The following TTC23 variants were observed in gnomAD, a reference collection of about 807,000 sequenced individuals.
The protein encoded by TTC23 is tetratricopeptide repeat domain 23.
Under a neutral mutation model 55.1 loss-of-function variants are expected in TTC23, and 58 were observed. The observed-to-expected ratio is 1.05, with a 90% CI of 0.85 to 1.31. The LOEUF (loss-of-function observed/expected upper bound fraction) is 1.31. TTC23 is among the 50% of genes most tolerant of loss of function. The pLI is 0.00. For synonymous variants in TTC23, 203 were observed against 199.9 expected, an observed-to-expected ratio of 1.02 and a Z score of -0.13; for missense variants, 516 against 534.4, an observed-to-expected ratio of 0.97 and a Z score of 0.34.
chr15:99,212,855 C>T (rs911563840), intron 8 of TTC23, among the ~76,000 whole-genome samples: 3 of 151,862 alleles, frequency 2.0e-5, no homozygotes, highest in South Asian at 2.1e-4. Context: ...TGCAGTGGCA[C>T]GTGCCTGTAG....
In TTC23 at chr15:99,198,681, A is replaced by G. The variant is rs558358183; in HGVS notation, c.759+1238T>C. ...TAATTCTTGGCTTCCTTATCTACAAATGGGAAATAATCATGTGTCACAGGG... is the reference window on the plus strand; with the variant it reads ...TAATTCTTGGCTTCCTTATCTACAAGTGGGAAATAATCATGTGTCACAGGG... On this transcript the variant is annotated intron_variant, in intron 9 of 13. Coordinates refer to ENST00000394132, the MANE Select transcript of TTC23 (RefSeq NM_001288615.3). Among the ~76,000 whole-genome samples, 4 of 152,208 alleles carry G rather than the reference A, an allele frequency of 2.6e-5. No homozygotes were observed. In the East Asian group the frequency reaches 7.7e-4, roughly 29 times the overall value.
At chr15:99,164,188 G>C (rs1014855870) in intron 10 of TTC23, among the ~76,000 whole-genome samples, 1 of 152,228 alleles carries the variant, frequency 6.6e-6, no homozygotes, top group Non-Finnish European at 1.5e-5. Flanking sequence ...AACTTATTCT[G>C]TAAAGGACAG....
chr15:99,165,110 G>A (rs565553717), intron 10 of TTC23, among the ~76,000 whole-genome samples: 1 of 152,330 alleles, frequency 6.6e-6, no homozygotes, highest in South Asian at 2.1e-4. Context: ...TTTAATTTTA[G>A]GGACAGTTTT....
intron 8 of TTC23, among the ~76,000 whole-genome samples, chr15:99,209,392 G>A (rs959510634): frequency 1.3e-5 from 2 of 152,214 alleles, no homozygotes; most frequent in Non-Finnish European, 1.5e-5. Context: ...TTTATCACCT[G>A]ATACATACAG....
upstream of TTC23, chr15:99,249,817 C>T (rs1421189363): frequency 6.6e-6 from 1 of 152,026 alleles, no homozygotes; most frequent in Non-Finnish European, 1.5e-5. Flanking sequence ...AGAGACAAAA[C>T]GTGCGAATTG....
At chr15:99,164,813 A>AG (rs772685437) in intron 10 of TTC23, among the ~76,000 whole-genome samples, 155 of 152,270 alleles carry the variant, frequency 1.0e-3, no homozygotes, top group Non-Finnish European at 1.7e-3. Flanking sequence ...ACAGCTCTCT[A>AG]GAACACACGA....
In TTC23 at chr15:99,224,306, G is replaced by A. The variant is rs115261307; in HGVS notation, c.181-2442C>T. Among the ~76,000 whole-genome samples the A allele has an allele frequency of 2.4e-3, 359 of 152,216 alleles. 1 individual carries two copies. Among genetic ancestry groups the A allele is most frequent in the African/African-American group, 8.1e-3 (337 of 41,542 alleles). The stretch of plus-strand genomic sequence containing the variant: ...ACTAAAAATCACCTGTAAGTTTACC[G>A]CCTAGAGATATCTAGGTAGATAAAT... On this transcript the variant is annotated intron_variant, in intron 5 of 13. Transcript: ENST00000394132.
chr15:99,180,598 G>A (rs551443706), intron 9 of TTC23, among the ~76,000 whole-genome samples: 1 of 152,298 alleles, frequency 6.6e-6, no homozygotes, highest in East Asian at 1.9e-4. Context: ...AAGGATGAGA[G>A]ACACTTCTAT....
At chr15:99,231,703 A>G (rs984416927) in intron 4 of TTC23, among the ~76,000 whole-genome samples, 8 of 152,072 alleles carry the variant, frequency 5.3e-5, no homozygotes, top group Non-Finnish European at 1.0e-4. Context: ...CGTGTTAGCC[A>G]GGATGGTCTC....
intron 12 of TTC23, among the ~76,000 whole-genome samples, chr15:99,147,898 C>T (rs1041543255): frequency 3.9e-5 from 6 of 152,086 alleles, no homozygotes; most frequent in African/African-American, 1.4e-4. Context: ...ACCAAATATG[C>T]TAAAGGGAAA....
In TTC23 at chr15:99,175,138, C is replaced by T. The variant is rs770013145; in HGVS notation, c.777G>A (p.Leu259=). 4.3e-6 allele frequency: 7 copies of T among 1,613,968 alleles called. No individual in the cohort carries two copies. In the Admixed American group the frequency reaches 5.0e-5, roughly 12 times the overall value. ...NHFLQAHLII[L]SRSPSQVEAA... ...CCTCCACTTGAGAGGGGCTTCTACT[C>T]AGGATGATAAGATGTGCCTGTCACC... The change falls in exon 10 of 14, where the codon CTG becomes CTA. Residue 259 remains leucine (L), a synonymous_variant. Coordinates refer to ENST00000394132, the MANE Select transcript of TTC23 (RefSeq NM_001288615.3).
intron 8 of TTC23, among the ~76,000 whole-genome samples, chr15:99,200,979 C>G (rs145896378): frequency 3.9e-5 from 6 of 152,316 alleles, no homozygotes; most frequent in Admixed American, 6.5e-5. Context: ...ACAAAATATT[C>G]TGTATATCAT....
intron 9 of TTC23, among the ~76,000 whole-genome samples, chr15:99,179,757 A>G (rs1173152276): frequency 1.3e-5 from 2 of 152,324 alleles, no homozygotes; most frequent in Admixed American, 1.3e-4. Context: ...GGGGCCTGGA[A>G]GTCTGACTAC....
chr15:99,161,001 A>G (rs1278205317), intron 11 of TTC23: 2 of 146,430 alleles, frequency 1.4e-5, no homozygotes, highest in Non-Finnish European at 3.0e-5. Context: ...TGACAGAGCA[A>G]GACTCTGTCT....
chr15:99,216,988 ATTG>A (rs2152039958), intron 8 of TTC23, among the ~76,000 whole-genome samples: 1 of 152,346 alleles, frequency 6.6e-6, no homozygotes, highest in Admixed American at 6.5e-5. Context: ...CTGAATGTCT[ATTG>A]TTAGGAGGAT....
intron 3 of TTC23, among the ~76,000 whole-genome samples, chr15:99,239,013 A>C (rs1329439915): frequency 6.6e-6 from 1 of 152,208 alleles, no homozygotes; most frequent in Non-Finnish European, 1.5e-5. Flanking sequence ...TCAGGCTAAG[A>C]AGGCATTCAT....
At chr15:99,139,442 G>T in intron 12 of TTC23, 43 bp from the exon 13 acceptor site, 1 of 1,612,880 alleles carries the variant, frequency 6.2e-7, no homozygotes, top group East Asian at 2.2e-5. Flanking sequence ...TGGAAGTGTC[G>T]CTGAGAGCAG....
intron 3 of TTC23, among the ~76,000 whole-genome samples, 157 bp downstream of exon 3, chr15:99,241,208 C>T (rs2079764220): frequency 2.6e-5 from 4 of 152,134 alleles, no homozygotes; most frequent in South Asian, 2.1e-4. Flanking sequence ...CCCAGCGACT[C>T]GGAGGCTGAG....
rs1259398313 is a variant in TTC23 at position 99,138,127 on chromosome 15, C to G, written c.1227G>C (p.Thr409=). The G allele has an allele frequency of 1.2e-6, 2 of 1,612,158 alleles. No individual in the cohort carries two copies. The highest frequency in any genetic ancestry group is 1.7e-6 in the Non-Finnish European group (2 of 1,179,928). The change falls in exon 14 of 14, where the codon ACG becomes ACC. Residue 409 remains threonine (T), a splice_region_variant and synonymous_variant. Coordinates refer to ENST00000394132, the MANE Select transcript of TTC23 (RefSeq NM_001288615.3). ...TTGGCTTCGAAGCAACCTTGGGGGC[C>G]CTGCAGACAAGCAGAGGGTGGGGTG... The part of the protein sequence containing the change: ...ATQQAMGMLS[T]APKVASKPRQ...
Sources: allele counts gnomAD v4.1 joint callset (sites outside exome capture counted in the v4.1 genomes callset), GRCh38; gene constraint gnomAD v4.1.1; transcripts MANE v1.5; gene names NCBI Gene and HGNC (gene_info 2026-07-23, HGNC 2026-07-21).